Variants in ANKRD26 observed in about 807,000 individuals in gnomAD.
ANKRD26 encodes the protein ankyrin repeat domain 26.
A neutral mutation model predicts 208.7 loss-of-function variants in ANKRD26; 141 were observed. The observed-to-expected ratio is 0.68, with a 90% CI of 0.59 to 0.78. ANKRD26 has a LOEUF of 0.78. Ranked by LOEUF, ANKRD26 falls within the 30% of genes least tolerant of loss-of-function variation. The pLI, the probability that ANKRD26 is intolerant of heterozygous loss-of-function variation, is 0.00. For missense variants in ANKRD26, 1,889 were observed against 1,938.7 expected (o/e 0.97, Z 0.48); for synonymous variants, 636 against 660.4 (o/e 0.96, Z 0.57).
chr10:26,988,472 A>C (rs2052426389), downstream of ANKRD26, among the ~76,000 whole-genome samples: 3 of 152,154 alleles, frequency 2.0e-5, no homozygotes, highest in Non-Finnish European at 4.4e-5. Flanking sequence ...AGCCTCAGGG[A>C]AAAATTGAGT....
At chr10:26,952,232 T>G in the ANKRD26 span, among the ~76,000 whole-genome samples, 2 of 151,990 alleles carry the variant, frequency 1.3e-5, no homozygotes, top group African/African-American at 4.8e-5. Flanking sequence ...CTGACTGACC[T>G]TGATGTTTCC....
At chr10:26,969,826 T>A (rs1255582619), downstream of ANKRD26, among the ~76,000 whole-genome samples, 5 of 150,286 alleles carry the variant, frequency 3.3e-5, no homozygotes, top group African/African-American at 1.0e-4. Context: ...TTTTTTTTTT[T>A]TAATTTTTAT....
downstream of ANKRD26, among the ~76,000 whole-genome samples, chr10:26,989,041 C>A (rs1465897272): frequency 6.6e-6 from 1 of 152,046 alleles, no homozygotes; most frequent in Non-Finnish European, 1.5e-5. Context: ...ATGATAGGGA[C>A]AATTCCATCT....
intron 25 of ANKRD26, among the ~76,000 whole-genome samples, chr10:27,032,498 T>C (rs1375563643): frequency 1.3e-5 from 2 of 152,002 alleles, no homozygotes; most frequent in Non-Finnish European, 2.9e-5. Flanking sequence ...TAGCCAGGCG[T>C]GGTGGTGGGC....
intron 16 of ANKRD26, 29 bp from the exon 17 acceptor site, chr10:27,049,008 T>A: frequency 6.6e-7 from 1 of 1,511,052 alleles, no homozygotes; most frequent in Non-Finnish European, 9.1e-7. Context: ...ACTAAGGAAT[T>A]GCTATTACTT....
intron 4 of ANKRD26, 147 bp from the exon 5 acceptor site, chr10:27,086,756 A>C: frequency 1.2e-6 from 1 of 833,992 alleles, no homozygotes; most frequent in East Asian, 3.6e-5. Flanking sequence ...TGTAAGCTCT[A>C]CAAACTTTTT....
intron 17 of ANKRD26, among the ~76,000 whole-genome samples, chr10:27,046,938 T>C (rs911203587): frequency 6.6e-6 from 1 of 151,720 alleles, no homozygotes; most frequent in African/African-American, 2.4e-5. Flanking sequence ...GAATAGAAGG[T>C]GAGCACAGAT....
chr10:26,973,027 T>G (rs1311260540), downstream of ANKRD26, among the ~76,000 whole-genome samples: 1 of 152,076 alleles, frequency 6.6e-6, no homozygotes, highest in Admixed American at 6.6e-5. Context: ...CCTGACCTCA[T>G]TTTTTTTAAA....
At chr10:27,100,059 C>A (rs1452662434) in intron 1 of ANKRD26, 26 bp downstream of exon 1, 4 of 1,613,008 alleles carry the variant, frequency 2.5e-6, no homozygotes, top group South Asian at 1.1e-5. Flanking sequence ...CAGTGGCACT[C>A]AGTCCGGGCT....
At chr10:26,962,468 G>A in the ANKRD26 span, among the ~76,000 whole-genome samples, 2 of 151,940 alleles carry the variant, frequency 1.3e-5, no homozygotes, top group Non-Finnish European at 2.9e-5. Flanking sequence ...CCAGCTACTC[G>A]GTAGGCTGAG....
rs937381484 is a variant in ANKRD26 at position 27,099,946 on chromosome 10, C to G, written c.242+139G>C. ...AGAAAGGCGGCCTGGGCGCTGGAGC[C>G]CTGCAAGGTGTCACCGTCCCAGGGG... On this transcript the variant is annotated intron_variant, in intron 1 of 33. Coordinates refer to ENST00000376087, the MANE Select transcript of ANKRD26 (RefSeq NM_014915.3). 3 of 1,372,594 alleles carry G rather than the reference C, an allele frequency of 2.2e-6. No homozygotes were observed. The African/African-American group carries it at 4.3e-5, about 20-fold the overall frequency. The allele number at this position is 1,372,594 out of a possible 1,614,324, so 85.0% of individuals were successfully genotyped here.
chr10:27,086,785 T>G lies in ANKRD26; in HGVS notation c.639-176A>C, dbSNP rs1042056058. ...ACTTTTTTGTTTTTTTTTTTTTTTT[T>G]TTTTGAGACAGAGTCTTACTCTGTC... On this transcript the variant is annotated intron_variant, in intron 4 of 33. Coordinates refer to ENST00000376087, the MANE Select transcript of ANKRD26 (RefSeq NM_014915.3). Among the ~76,000 whole-genome samples the G allele has an allele frequency of 4.1e-5, 6 of 146,820 alleles. No homozygotes were observed. In the East Asian group the frequency reaches 1.2e-3, roughly 29 times the overall value.
rs1471918886 is a variant in ANKRD26, at chr10:27,009,116, G to A, written c.4954-2154C>T. Among the ~76,000 whole-genome samples, 8 of 152,296 alleles carry A rather than the reference G, an allele frequency of 5.3e-5. 1 individual carries two copies. Among genetic ancestry groups the A allele is most frequent in the East Asian group, 1.9e-4 (1 of 5,174 alleles). On this transcript the variant is annotated intron_variant, in intron 32 of 33. Transcript: ENST00000376087. ...GGCCTCCCAAAGTGCTGGGATTACA[G>A]GCAGGAGCCACCATGCCTGGCCAAC... is the stretch of plus-strand genomic sequence containing the variant.
intron 15 of ANKRD26, among the ~76,000 whole-genome samples, chr10:27,054,666 A>G (rs868320021): frequency 6.6e-6 from 1 of 152,194 alleles, no homozygotes; most frequent in Non-Finnish European, 1.5e-5. Context: ...AGCCAGACTA[A>G]AAGGGGTAAA....
the ANKRD26 span, among the ~76,000 whole-genome samples, chr10:26,952,848 T>C: frequency 3.9e-5 from 6 of 152,214 alleles, no homozygotes; most frequent in Non-Finnish European, 8.8e-5. Flanking sequence ...ATCTGAGTTA[T>C]GCTGGTAACT....
Position 27,093,484 on chromosome 10 carries a change from C to A in ANKRD26, c.396G>T (p.Leu132=), listed in dbSNP as rs2056366643. Residue 132 remains leucine, a synonymous_variant, in exon 3 of 34, where the codon CTG becomes CTT. Transcript: ENST00000376087. ...GATTTGGATCAGCACCATGTTCTAGCAGAATAGTTGCACATTTCTCTTCCT... is the reference window on the plus strand; with the variant it reads ...GATTTGGATCAGCACCATGTTCTAGAAGAATAGTTGCACATTTCTCTTCCT... ...QCQEEKCATI[L]LEHGADPNLA... is the part of the protein sequence containing the mutation. 6.2e-7 allele frequency: 1 copy of A among 1,614,066 alleles called. No individual in the cohort carries two copies. The highest frequency in any genetic ancestry group is 1.7e-5 in the Admixed American group (1 of 59,998).
exon 6 of ANKRD26, among the ~76,000 whole-genome samples, chr10:26,975,165 G>A (rs1039494037): frequency 1.3e-4 from 20 of 152,072 alleles, no homozygotes; most frequent in African/African-American, 3.4e-4. Context: ...GAATGACTTC[G>A]CTAATACAAT....
chr10:27,074,373 T>G (rs2055613176), intron 9 of ANKRD26, among the ~76,000 whole-genome samples: 1 of 151,982 alleles, frequency 6.6e-6, no homozygotes, highest in African/African-American at 2.4e-5. Flanking sequence ...AAAGACACAT[T>G]TAGGGAACTA....
chr10:26,959,642 CTTT>C, the ANKRD26 span, among the ~76,000 whole-genome samples: 4 of 137,770 alleles, frequency 2.9e-5, no homozygotes, highest in African/African-American at 2.6e-5. Flanking sequence ...TTCGAATGCA[CTTT>C]TTTTTTTTTT....
Sources: gnomAD v4.1 joint callset for allele counts (sites outside exome capture counted in the v4.1 genomes callset) on GRCh38, gnomAD v4.1.1 for gene constraint, MANE v1.5 for transcripts, NCBI Gene and HGNC (gene_info 2026-07-23, HGNC 2026-07-21) for gene names.